GRID2: variants seen among roughly 807,000 people sequenced by gnomAD.
GRID2 encodes the protein glutamate receptor ionotropic, delta-2.
GRID2 carries 33 observed loss-of-function variants against 114.8 expected under a neutral mutation model. That is an observed-to-expected ratio of 0.29 (90% confidence interval 0.22 to 0.38). GRID2 has a LOEUF of 0.38. Among genes scored for constraint, GRID2 ranks in the 10% least tolerant of loss-of-function variants. The pLI is 1.00. For synonymous variants in GRID2, 505 were observed against 449.9 expected (o/e 1.12, Z -1.55); for missense variants, 1,184 against 1,257.7 (o/e 0.94, Z 0.89).
chr4:92,628,188 T>C (rs546259016), intron 2 of GRID2, among the ~76,000 whole-genome samples: 2 of 152,278 alleles, frequency 1.3e-5, no homozygotes, highest in East Asian at 3.9e-4. Flanking sequence ...CAGCTCTCAT[T>C]AGCCAGCAGG....
chr4:92,876,264 T>C (rs1294398453), intron 2 of GRID2, among the ~76,000 whole-genome samples: 1 of 150,022 alleles, frequency 6.7e-6, no homozygotes, highest in Non-Finnish European at 1.5e-5. Flanking sequence ...AAAAACCCAA[T>C]TATCTTTTTT....
chr4:93,774,472 A>G lies in GRID2; in HGVS notation c.*1974A>G, dbSNP rs995581518. Reference sequence around the variant, plus strand: ...CGCCTATTATACAAACACACAAAACATTTTTGGAGGCCTCAGTTATGAGTG... The same window carrying G: ...CGCCTATTATACAAACACACAAAACGTTTTTGGAGGCCTCAGTTATGAGTG... On this transcript the variant is annotated 3_prime_UTR_variant, in exon 16 of 16. Transcript: ENST00000282020. The G allele has an allele frequency of 1.3e-5, 2 of 152,118 alleles. No individual in the cohort carries two copies. The highest frequency in any genetic ancestry group is 2.9e-5 in the Non-Finnish European group (2 of 67,982). The allele number at this position is 152,118 out of a possible 1,614,324, so 9.4% of individuals were successfully genotyped here.
intron 1 of GRID2, among the ~76,000 whole-genome samples, chr4:92,425,379 A>C (rs947471979): frequency 6.6e-6 from 1 of 152,080 alleles, no homozygotes; most frequent in Non-Finnish European, 1.5e-5. Context: ...ACAAGCACAA[A>C]AACACAATGG....
At chr4:93,224,802 G>A in intron 7 of GRID2, 27 bp downstream of exon 7, 1 of 1,498,832 alleles carries the variant, frequency 6.7e-7, no homozygotes, top group Non-Finnish European at 9.2e-7. Context: ...CATGTAAAAA[G>A]GATATGGTAA....
intron 10 of GRID2, among the ~76,000 whole-genome samples, chr4:93,431,197 G>A (rs960546729): frequency 1.3e-5 from 2 of 152,094 alleles, no homozygotes; most frequent in East Asian, 1.9e-4. Context: ...TTTAGAGGAG[G>A]AGGACAGTTT....
intron 2 of GRID2, among the ~76,000 whole-genome samples, chr4:92,848,601 C>T (rs1016837474): frequency 6.6e-6 from 1 of 151,702 alleles, no homozygotes; most frequent in African/African-American, 2.4e-5. Flanking sequence ...GTTCTAATAC[C>T]CACACCTGGA....
chr4:92,902,932 G>C (rs958384882), intron 2 of GRID2, among the ~76,000 whole-genome samples: 1 of 151,908 alleles, frequency 6.6e-6, no homozygotes, highest in African/African-American at 2.4e-5. Flanking sequence ...TTTTATACCA[G>C]TACCATGCTA....
At chr4:92,571,303 TAAAGGGATC>T (rs1247969682) in intron 1 of GRID2, among the ~76,000 whole-genome samples, 4 of 151,978 alleles carry the variant, frequency 2.6e-5, no homozygotes, top group Non-Finnish European at 5.9e-5. Context: ...TACATAATGG[TAAAGGGATC>T]AATTCAACAA....
intron 1 of GRID2, among the ~76,000 whole-genome samples, chr4:93,801,337 A>G (rs552410699): frequency 2.5e-4 from 38 of 152,214 alleles, no homozygotes; most frequent in Non-Finnish European, 4.9e-4. Context: ...TGAAAGTTTT[A>G]AGGTGAATAA....
chr4:93,657,849 T>A (rs2149732323), intron 14 of GRID2, among the ~76,000 whole-genome samples: 1 of 152,300 alleles, frequency 6.6e-6, no homozygotes. Context: ...AGGTACAAAT[T>A]TCTTGTAGAA....
intron 8 of GRID2, among the ~76,000 whole-genome samples, chr4:93,359,154 C>T (rs2870700): frequency 0.04 from 6,063 of 152,142 alleles, 165 homozygotes; most frequent in South Asian, 0.068. Context: ...TCAAATGTGT[C>T]TCTGACATCC....
intron 2 of GRID2, among the ~76,000 whole-genome samples, chr4:92,797,433 A>G (rs1476130664): frequency 6.6e-6 from 1 of 151,960 alleles, no homozygotes; most frequent in Non-Finnish European, 1.5e-5. Context: ...AAGATTATAC[A>G]TTGTGGTTTA....
At chr4:93,437,074 C>A (rs1560617989) in intron 10 of GRID2, among the ~76,000 whole-genome samples, 2 of 152,032 alleles carry the variant, frequency 1.3e-5, no homozygotes, top group Non-Finnish European at 2.9e-5. Context: ...ATAGATTTGA[C>A]AACACTGCAA....
intron 9 of GRID2, among the ~76,000 whole-genome samples, chr4:93,399,637 G>A (rs1765688488): frequency 6.6e-6 from 1 of 152,104 alleles, no homozygotes; most frequent in South Asian, 2.1e-4. Flanking sequence ...ATGGGAGAGA[G>A]ACCATCACTC....
chr4:93,302,681 A>G (rs1028553005), intron 8 of GRID2: 1 of 439,640 alleles, frequency 2.3e-6, no homozygotes, highest in Non-Finnish European at 4.6e-6. Flanking sequence ...TGGCAGTTTC[A>G]TAGGCTACTT....
chr4:92,390,373 T>C (rs2870624), intron 1 of GRID2, among the ~76,000 whole-genome samples: 35,264 of 152,010 alleles, frequency 0.23, 5,456 homozygotes, highest in East Asian at 0.64. Context: ...AATTTATCAA[T>C]TAGAATTTGC....
intron 8 of GRID2, among the ~76,000 whole-genome samples, chr4:93,303,789 AAC>A (rs1324586352): frequency 6.6e-6 from 1 of 152,074 alleles, no homozygotes; most frequent in East Asian, 1.9e-4. Context: ...TGACTTACAG[AAC>A]TGGTTTAGAT....
At chr4:92,409,530 A>T (rs1731195052) in intron 1 of GRID2, among the ~76,000 whole-genome samples, 1 of 152,160 alleles carries the variant, frequency 6.6e-6, no homozygotes, top group African/African-American at 2.4e-5. Context: ...TAAATTTATA[A>T]GTCACCATTT....
At chr4:93,717,255 T>C (rs769720308) in intron 14 of GRID2, among the ~76,000 whole-genome samples, 16 of 152,168 alleles carry the variant, frequency 1.1e-4, no homozygotes, top group Non-Finnish European at 2.2e-4. Flanking sequence ...TGGAACTTTA[T>C]GGGGTATGGG....
Sources: allele counts gnomAD v4.1 joint callset (sites outside exome capture counted in the v4.1 genomes callset), GRCh38; gene constraint gnomAD v4.1.1; transcripts MANE v1.5; gene names NCBI Gene and HGNC (gene_info 2026-07-23, HGNC 2026-07-21).